PROK2: variants seen among roughly 807,000 people sequenced by gnomAD.
PROK2 encodes prokineticin-2.
Under a neutral mutation model 14.2 loss-of-function variants are expected in PROK2, and 8 were observed. That is an observed-to-expected ratio of 0.56 (90% CI 0.33 to 1.02). The LOEUF is 1.02. Among genes scored for constraint, PROK2 ranks in the 50% least tolerant of loss-of-function variants. The pLI is 0.03. For missense variants in PROK2, 154 were observed against 160.4 expected (o/e 0.96, Z 0.22); for synonymous variants, 59 against 60.7 (o/e 0.97, Z 0.13).
At chr3:71,784,928 G>A (rs2050200301) in intron 1 of PROK2, 29 bp downstream of exon 1, 3 of 1,234,188 alleles carry the variant, frequency 2.4e-6, no homozygotes, top group East Asian at 3.2e-5. Flanking sequence ...CGCGCATCAG[G>A]GGCAGACAGG....
At position 71,774,431 on chromosome 3, in the gene PROK2, C is replaced by T. The variant is rs3796224; in HGVS notation, c.285+14G>A. ...GCATGTCTTTCGGTGGTACCACATT[C>T]GCATTCTTCTTACCTCCTTTTTCCT... is the stretch of plus-strand genomic sequence containing the variant. On this transcript the variant is annotated intron_variant, in intron 3 of 3. Transcript: ENST00000295619. The T allele has an allele frequency of 0.13, 201,359 of 1,550,658 alleles. 15,763 individuals carry two copies. Among genetic ancestry groups the T allele is most frequent in the South Asian group, 0.32 (26,500 of 83,864 alleles).
chr3:71,772,955 AAT>A, intron 3 of PROK2, 127 bp from the exon 4 acceptor site: 2 of 750,960 alleles, frequency 2.7e-6, no homozygotes. Context: ...CCCATTAGGC[AAT>A]ATGCTCAGTA....
Position 71,772,758 on chromosome 3 carries a change from G to A in PROK2, c.356C>T (p.Ser119Leu). The part of the protein sequence containing the change: ...CLPGLACLRT[S>L]FNRFICLAQK ...GGCTAAACAAATAAATCGGTTAAAT[G>A]AAGTCCGTAAACAGGCCAAGCCTGG... Residue 119 changes from serine (S) to leucine (L), a missense_variant, in exon 4 of 4, where the codon TCA becomes TTA. Physicochemically the swap from Ser to Leu is moderately radical, Grantham distance 145. Transcript: ENST00000295619. 6.2e-7 allele frequency: 1 copy of A among 1,614,168 alleles called. No individual in the cohort carries two copies. Among genetic ancestry groups the A allele is most frequent in the Non-Finnish European group, 8.5e-7 (1 of 1,180,022 alleles).
At chr3:71,773,409 G>T (rs1194590089) in intron 3 of PROK2, among the ~76,000 whole-genome samples, 1 of 152,178 alleles carries the variant, frequency 6.6e-6, no homozygotes, top group African/African-American at 2.4e-5. Flanking sequence ...ATTGGCCAAG[G>T]TCACTTATGT....
Position 71,771,701 on chromosome 3 carries a change from G to A in PROK2, c.*1023C>T, listed in dbSNP as rs1020743360. 1.3e-5 allele frequency: 2 copies of A among 152,554 alleles called. No homozygotes were observed. Among genetic ancestry groups the A allele is most frequent in the Non-Finnish European group, 2.9e-5 (2 of 68,030 alleles). 9.5% of individuals were successfully genotyped at this position (152,554 alleles called of 1,614,324 possible). On this transcript the variant is annotated 3_prime_UTR_variant, in exon 4 of 4. Transcript: ENST00000295619. ...ATTAAAATAAATCAAATGATATACA[G>A]TACTGTTATTATTCTGATACAGAAT...
rs2050202270 is a variant in PROK2, at chr3:71,785,011, C to G, written c.42G>C (p.Leu14=). Reference sequence around the variant, plus strand: ...GGGGCGTGAGCAGCAGCGGCGGCAGCAGCAAGAGGAGCAGGAGTGGGGCGC... The same window carrying G: ...GGGGCGTGAGCAGCAGCGGCGGCAGGAGCAAGAGGAGCAGGAGTGGGGCGC... ...LCCAPLLLLL[L]LPPLLLTPRA... is the part of the protein sequence containing the mutation. Residue 14 remains leucine, a synonymous_variant, in exon 1 of 4, where the codon CTG becomes CTC. Coordinates refer to ENST00000295619, the MANE Select transcript of PROK2 (RefSeq NM_001126128.2). 2.4e-6 allele frequency: 3 copies of G among 1,248,304 alleles called. No homozygotes were observed. The highest frequency in any genetic ancestry group is 4.5e-4 in the Middle Eastern group (2 of 4,430). The allele number at this position is 1,248,304 out of a possible 1,614,324, so 77.3% of individuals were successfully genotyped here.
Position 71,781,452 on chromosome 3 carries a change from T to C in PROK2, c.222+15A>G, listed in dbSNP as rs772152935. On this transcript the variant is annotated intron_variant, in intron 2 of 3. Coordinates refer to ENST00000295619, the MANE Select transcript of PROK2 (RefSeq NM_001126128.2). Reference sequence around the variant, plus strand: ...ACAGTAGAACCACCATGAATACAAATATATATATACTAACTTTACGAGTCA... The same window carrying C: ...ACAGTAGAACCACCATGAATACAAACATATATATACTAACTTTACGAGTCA... The C allele has an allele frequency of 1.9e-6, 3 of 1,612,916 alleles. No individual in the cohort carries two copies. Among genetic ancestry groups the C allele is most frequent in the Non-Finnish European group, 2.5e-6 (3 of 1,179,032 alleles).
At chr3:71,778,618 C>CT (rs2050138946) in intron 2 of PROK2, among the ~76,000 whole-genome samples, 3 of 152,200 alleles carry the variant, frequency 2.0e-5, no homozygotes, top group Admixed American at 2.0e-4. Flanking sequence ...TTACTATCTA[C>CT]TAATGAGTCA....
intron 2 of PROK2, among the ~76,000 whole-genome samples, chr3:71,777,992 A>G (rs571057125): frequency 3.6e-4 from 55 of 152,154 alleles, no homozygotes; most frequent in African/African-American, 1.3e-3. Flanking sequence ...TCAGGAGATC[A>G]AGACCATCCT....
chr3:71,775,749 C>T (rs1442930317), intron 2 of PROK2, among the ~76,000 whole-genome samples: 2 of 152,188 alleles, frequency 1.3e-5, no homozygotes, highest in African/African-American at 4.8e-5. Flanking sequence ...TTCTCAAACA[C>T]CACCAAGCCC....
intron 1 of PROK2, among the ~76,000 whole-genome samples, chr3:71,784,097 A>G (rs1477543489): frequency 6.6e-6 from 1 of 152,238 alleles, no homozygotes; most frequent in Non-Finnish European, 1.5e-5. Flanking sequence ...AAAAACAGTA[A>G]AGAAGTTGAA....
At position 71,772,367 on chromosome 3, in the gene PROK2, G is replaced by A. The variant is rs1322509867; in HGVS notation, c.*357C>T. The A allele has an allele frequency of 3.8e-5, 9 of 236,580 alleles. No individual in the cohort carries two copies. Among genetic ancestry groups the A allele is most frequent in the African/African-American group, 1.9e-4 (8 of 41,894 alleles). 14.7% of individuals were successfully genotyped at this position (236,580 alleles called of 1,614,324 possible). A position where few individuals can be genotyped will look rare whatever the true frequency, so the allele number is the denominator to read the frequency against. On this transcript the variant is annotated 3_prime_UTR_variant, in exon 4 of 4. Coordinates refer to ENST00000295619, the MANE Select transcript of PROK2 (RefSeq NM_001126128.2). Reference sequence around the variant, plus strand: ...CAGGGCACAAATGGGGCTTGGGGTGGTGAGAAAAAAAAAAAAAAGTTTTTC... The same window carrying A: ...CAGGGCACAAATGGGGCTTGGGGTGATGAGAAAAAAAAAAAAAAGTTTTTC...
intron 2 of PROK2, among the ~76,000 whole-genome samples, chr3:71,781,064 A>C (rs1056834695): frequency 6.6e-6 from 1 of 152,232 alleles, no homozygotes; most frequent in Non-Finnish European, 1.5e-5. Flanking sequence ...CAAAACACAG[A>C]GCTTCCTTAC....
Position 71,781,848 on chromosome 3 carries a change from AT to A in PROK2, c.97-257del, listed in dbSNP as rs199500523. ...TATGAAAATCTTAAATAAACATAAG[AT>A]TTTTTTTTAAATGAAATCAGCTCTC... On this transcript the variant is annotated intron_variant, in intron 1 of 3. Transcript: ENST00000295619. 4.9e-3 allele frequency among the ~76,000 whole-genome samples: 738 copies of A among 151,862 alleles called. 8 individuals are homozygous for A. The highest frequency in any genetic ancestry group is 0.035 in the East Asian group (183 of 5,168).
chr3:71,780,651 T>C (rs550737283), intron 2 of PROK2, among the ~76,000 whole-genome samples: 1 of 152,326 alleles, frequency 6.6e-6, no homozygotes, highest in Non-Finnish European at 1.5e-5. Context: ...CTGGCATTCC[T>C]GGGGTGCTCT....
chr3:71,784,408 G>A (rs1477883811), intron 1 of PROK2, among the ~76,000 whole-genome samples: 2 of 152,188 alleles, frequency 1.3e-5, no homozygotes, highest in Non-Finnish European at 2.9e-5. Context: ...CCAGAAGGAA[G>A]CTCCCACAAT....
Position 71,772,371 on chromosome 3 carries a change from GAAAA to G in PROK2, c.*349_*352del. 1 of 201,044 alleles carries G rather than the reference GAAAA, an allele frequency of 5.0e-6. No homozygotes were observed. The allele number at this position is 201,044 out of a possible 1,614,324, so 12.5% of individuals were successfully genotyped here. ...GCACAAATGGGGCTTGGGGTGGTGA[GAAAA>G]AAAAAAAAAAGTTTTTCTAACAAAA... On this transcript the variant is annotated 3_prime_UTR_variant, in exon 4 of 4. Transcript: ENST00000295619.
chr3:71,772,559 TAAA>T lies in PROK2; in HGVS notation c.*162_*164del, dbSNP rs56679628. ...ATCCAAAAGTAAAATTCTCTTTCGA[TAAA>T]AAAAAAAAAAAATCATTTACAAATC... On this transcript the variant is annotated 3_prime_UTR_variant, in exon 4 of 4. Transcript: ENST00000295619. 4.0e-4 allele frequency: 240 copies of T among 600,550 alleles called. No individual in the cohort carries two copies. Among genetic ancestry groups the T allele is most frequent in the Non-Finnish European group, 4.1e-4 (141 of 346,926 alleles). The allele number at this position is 600,550 out of a possible 1,614,324, so 37.2% of individuals were successfully genotyped here.
chr3:71,773,754 T>G (rs1450475365), intron 3 of PROK2, among the ~76,000 whole-genome samples: 2 of 152,226 alleles, frequency 1.3e-5, no homozygotes, highest in African/African-American at 2.4e-5. Flanking sequence ...GTGAAAGGTC[T>G]GCTTCATTCG....
Sources: gnomAD v4.1 joint callset for allele counts (sites outside exome capture counted in the v4.1 genomes callset) on GRCh38, gnomAD v4.1.1 for gene constraint, MANE v1.5 for transcripts, NCBI Gene and HGNC (gene_info 2026-07-23, HGNC 2026-07-21) for gene names.